Variants in KDM4B observed in about 807,000 individuals in gnomAD.
KDM4B encodes the protein lysine demethylase 4B.
Under a neutral mutation model 125.2 loss-of-function variants are expected in KDM4B, and 32 were observed. The ratio of observed to expected loss-of-function variants is 0.26; its 90% CI spans 0.19 to 0.34. The LOEUF is 0.34. Ranked by LOEUF, KDM4B falls within the 10% of genes least tolerant of loss-of-function variation. The pLI is 1.00. For missense variants in KDM4B, 1,190 were observed against 1,577.7 expected (o/e 0.75, Z 4.16); for synonymous variants, 721 against 677.9 (o/e 1.06, Z -0.99).
chr19:4,974,539 G>C lies in KDM4B; in HGVS notation c.-109+5309G>C, dbSNP rs530012960. Among the ~76,000 whole-genome samples the C allele has an allele frequency of 2.3e-4, 35 of 151,860 alleles. No homozygotes were observed. The South Asian group carries it at 6.9e-3, about 30-fold the overall frequency. On this transcript the variant is annotated intron_variant, in intron 1 of 22. Coordinates refer to ENST00000159111, the MANE Select transcript of KDM4B (RefSeq NM_015015.3). ...GGATCACCTGAGGTCAGGAGTTTGA[G>C]ACCAGCCTGGCCAACATAGTGAAAT...
intron 2 of KDM4B, among the ~76,000 whole-genome samples, chr19:5,032,085 G>A (rs533839219): frequency 1.1e-4 from 16 of 152,326 alleles, no homozygotes; most frequent in African/African-American, 3.8e-4. Context: ...CTTCCTGGTC[G>A]GGGTGGGCTA....
intron 2 of KDM4B, among the ~76,000 whole-genome samples, chr19:5,023,408 G>A (rs2036182609): frequency 6.6e-6 from 1 of 152,236 alleles, no homozygotes; most frequent in Non-Finnish European, 1.5e-5. Context: ...CCGGGGCTGG[G>A]GCCGAGTGGC....
At chr19:5,003,668 G>C (rs1439567999) in intron 1 of KDM4B, among the ~76,000 whole-genome samples, 1 of 152,038 alleles carries the variant, frequency 6.6e-6, no homozygotes, top group African/African-American at 2.4e-5. Context: ...AATTAGCTGG[G>C]CATGGTGGTG....
At chr19:5,106,499 G>A (rs977419395) in intron 9 of KDM4B, among the ~76,000 whole-genome samples, 1 of 152,166 alleles carries the variant, frequency 6.6e-6, no homozygotes, top group African/African-American at 2.4e-5. Flanking sequence ...GCCGAGTAGG[G>A]GCCGTGATGC....
rs35181412 is a variant in KDM4B at position 5,089,700 on chromosome 19, TA to T, written c.918+7209del. Among the ~76,000 whole-genome samples the T allele has an allele frequency of 4.7e-3, 681 of 143,432 alleles. 4 individuals are homozygous for T. Among genetic ancestry groups the T allele is most frequent in the South Asian group, 0.013 (60 of 4,570 alleles). 94.1% of individuals were successfully genotyped at this position (143,432 alleles called of 152,430 possible). A position where few individuals can be genotyped will look rare whatever the true frequency, so the allele number is the denominator to read the frequency against. ...AATATGGTTCTGTCTTTTTTTGTAC[TA>T]AAAAAAAAAAAACCCACATACTCCT... is the stretch of plus-strand genomic sequence containing the variant. On this transcript the variant is annotated intron_variant, in intron 9 of 22. Coordinates refer to ENST00000159111, the MANE Select transcript of KDM4B (RefSeq NM_015015.3).
rs376472542 is a variant in KDM4B at position 5,035,024 on chromosome 19, T to C, written c.141+1993T>C. ...GTAACACACCATGACGATGTGGGAATGATGGCACATCTGTGTCCGGGTCAG... is the reference window on the plus strand; with the variant it reads ...GTAACACACCATGACGATGTGGGAACGATGGCACATCTGTGTCCGGGTCAG... On this transcript the variant is annotated intron_variant, in intron 3 of 22. Coordinates refer to ENST00000159111, the MANE Select transcript of KDM4B (RefSeq NM_015015.3). This position sits in a 1 kb window ranked among gnomAD's most constrained non-coding sequence, Gnocchi z 5.3. Among the ~76,000 whole-genome samples, 15 of 152,312 alleles carry C rather than the reference T, an allele frequency of 9.8e-5. No individual in the cohort carries two copies. The East Asian group carries it at 1.5e-3, about 16-fold the overall frequency.
intron 7 of KDM4B, 76 bp downstream of exon 7, chr19:5,071,135 C>A: frequency 7.2e-7 from 1 of 1,392,310 alleles, no homozygotes; most frequent in Non-Finnish European, 1.0e-6. Context: ...GGGCAGCTGG[C>A]GTCCCCCGGG....
chr19:5,128,475 C>T (rs1033094211), intron 11 of KDM4B, among the ~76,000 whole-genome samples: 12 of 152,226 alleles, frequency 7.9e-5, no homozygotes, highest in African/African-American at 1.7e-4. Context: ...GGATGGGCAC[C>T]GCAGCCTGCA....
chr19:5,137,521 A>G, intron 16 of KDM4B, 100 bp from the exon 17 acceptor site: 2 of 1,317,756 alleles, frequency 1.5e-6, no homozygotes, highest in Non-Finnish European at 2.1e-6. Context: ...GTTGAAATAT[A>G]AGGGCCGTGG....
At chr19:5,099,558 A>G (rs997837825) in intron 9 of KDM4B, among the ~76,000 whole-genome samples, 2 of 152,266 alleles carry the variant, frequency 1.3e-5, no homozygotes, top group Non-Finnish European at 2.9e-5. Context: ...CCAACATGGC[A>G]GGTTAGCATC....
chr19:5,034,199 TC>T (rs2036545134), intron 3 of KDM4B, among the ~76,000 whole-genome samples: 1 of 152,226 alleles, frequency 6.6e-6, no homozygotes, highest in Non-Finnish European at 1.5e-5. Flanking sequence ...GCTGCCGTGG[TC>T]CGTGAGTCTC....
intron 9 of KDM4B, among the ~76,000 whole-genome samples, chr19:5,088,665 T>TCCC (rs35143112): frequency 3.1e-4 from 32 of 103,802 alleles, no homozygotes; most frequent in Middle Eastern, 5.4e-3. Context: ...GCCCCCCCCC[T>TCCC]CCCCCCCCCC....
At chr19:5,150,180 C>T (rs2039921187) in intron 21 of KDM4B, among the ~76,000 whole-genome samples, 178 bp from the exon 22 acceptor site, 1 of 152,246 alleles carries the variant, frequency 6.6e-6, no homozygotes. Context: ...TCAGCCTGAT[C>T]CTTGTTTGCT....
chr19:5,029,834 AAT>A (rs1230670145), intron 2 of KDM4B, among the ~76,000 whole-genome samples: 3 of 152,230 alleles, frequency 2.0e-5, no homozygotes, highest in Non-Finnish European at 4.4e-5. Flanking sequence ...CTCAAAAAAC[AAT>A]AGTTTCTTAA....
chr19:5,080,795 G>T (rs548461329), intron 8 of KDM4B: 3 of 152,182 alleles, frequency 2.0e-5, no homozygotes, highest in African/African-American at 7.2e-5. Flanking sequence ...GAAACAGCCC[G>T]CACGTCCATC....
chr19:5,114,287 C>G lies in KDM4B; in HGVS notation c.1115+3469C>G. The G allele has an allele frequency of 8.1e-7, 1 of 1,239,970 alleles. No individual in the cohort carries two copies. The highest frequency in any genetic ancestry group is 1.5e-5 in the African/African-American group (1 of 65,040). 76.8% of individuals were successfully genotyped at this position (1,239,970 alleles called of 1,614,324 possible). A position where few individuals can be genotyped will look rare whatever the true frequency, so the allele number is the denominator to read the frequency against. ...ACAGCCTCCCTGGCCCACTGCTGCT[C>G]TGTGAGCCCGGCTGGGCCCAGGCCT... On this transcript the variant is annotated intron_variant, in intron 10 of 22. Coordinates refer to ENST00000159111, the MANE Select transcript of KDM4B (RefSeq NM_015015.3). The surrounding 1 kb of genome is among the most constrained non-coding windows in gnomAD (Gnocchi z 5.8).
At chr19:5,046,096 G>A (rs1371814482) in intron 5 of KDM4B, among the ~76,000 whole-genome samples, 2 of 152,196 alleles carry the variant, frequency 1.3e-5, no homozygotes, top group Non-Finnish European at 2.9e-5. Context: ...GTGCATGAGA[G>A]CCTCTGGGTT....
intron 9 of KDM4B, among the ~76,000 whole-genome samples, chr19:5,092,787 C>G (rs187732978): frequency 6.6e-6 from 1 of 152,294 alleles, no homozygotes; most frequent in East Asian, 1.9e-4. Flanking sequence ...GGCCCTGAGT[C>G]AGAAATGGTG....
In KDM4B at chr19:5,111,794, G is replaced by C. The variant is rs192528253; in HGVS notation, c.1115+976G>C. On this transcript the variant is annotated intron_variant, in intron 10 of 22. Transcript: ENST00000159111. ...TTGCAGGCCAGGCCTCCTGTGTCTC[G>C]ACGTCTCGACTCCGCATGGCAACTC... 16 of 765,136 alleles carry C rather than the reference G, an allele frequency of 2.1e-5. No homozygotes were observed. Among genetic ancestry groups the C allele is most frequent in the Admixed American group, 1.5e-4 (9 of 59,018 alleles). The allele number at this position is 765,136 out of a possible 1,614,324, so 47.4% of individuals were successfully genotyped here.
Sources: gnomAD v4.1 joint callset for allele counts (sites outside exome capture counted in the v4.1 genomes callset) on GRCh38, gnomAD v4.1.1 for gene constraint, Gnocchi (gnomAD v3.1) non-coding constraint, MANE v1.5 for transcripts, NCBI Gene and HGNC (gene_info 2026-07-23, HGNC 2026-07-21) for gene names.